ELF5: variants seen among roughly 807,000 people sequenced by gnomAD.
ELF5 encodes ETS-related transcription factor Elf-5.
A neutral mutation model predicts 38.2 loss-of-function variants in ELF5; 31 were observed. The ratio of observed to expected loss-of-function variants is 0.81; its 90% CI spans 0.61 to 1.10. The LOEUF (loss-of-function observed/expected upper bound fraction) is 1.10. Among genes scored for constraint, ELF5 ranks in the 50% least tolerant of loss-of-function variants. The probability of loss-of-function intolerance (pLI) is 0.00; values close to 1 mark genes in which losing one functional copy is unlikely to be tolerated. For missense variants in ELF5, 300 were observed against 306.6 expected, an observed-to-expected ratio of 0.98 and a Z score of 0.16; for synonymous variants, 121 against 112.5, an observed-to-expected ratio of 1.08 and a Z score of -0.48.
Position 34,496,103 on chromosome 11 carries a change from C to T in ELF5, c.122-2391G>A, listed in dbSNP as rs370681016. Among the ~76,000 whole-genome samples, 3 of 152,342 alleles carry T rather than the reference C, an allele frequency of 2.0e-5. No homozygotes were observed. In the East Asian group the frequency reaches 5.8e-4, roughly 29 times the overall value. Reference sequence around the variant, plus strand: ...CACCCCCTTGTTATTTTCTTTGGCACTTGAAGAGGGCCATATTGTTTGCGG... The same window carrying T: ...CACCCCCTTGTTATTTTCTTTGGCATTTGAAGAGGGCCATATTGTTTGCGG... On this transcript the variant is annotated intron_variant, in intron 2 of 6. Coordinates refer to ENST00000257832, the MANE Select transcript of ELF5 (RefSeq NM_001422.4).
intron 2 of ELF5, among the ~76,000 whole-genome samples, chr11:34,502,375 T>C (rs1431813454): frequency 6.6e-6 from 1 of 152,200 alleles, no homozygotes; most frequent in Non-Finnish European, 1.5e-5. Flanking sequence ...GCAGGGAAAG[T>C]TGGCTGAGCA....
chr11:34,481,817 AT>A (rs1323710801), intron 5 of ELF5, among the ~76,000 whole-genome samples: 1 of 152,192 alleles, frequency 6.6e-6, no homozygotes, highest in African/African-American at 2.4e-5. Context: ...TGCTTCATCT[AT>A]AAAATGGGAT....
intron 4 of ELF5, among the ~76,000 whole-genome samples, chr11:34,486,204 AGAGAAGC>A (rs1329410392): frequency 3.3e-5 from 5 of 152,266 alleles, no homozygotes; most frequent in African/African-American, 1.2e-4. Flanking sequence ...AGGCTGGTGC[AGAGAAGC>A]TCTGAGGCTC....
Position 34,501,723 on chromosome 11 carries a change from C to T in ELF5, c.121+3906G>A, listed in dbSNP as rs1850475462. Among the ~76,000 whole-genome samples the T allele has an allele frequency of 2.0e-5, 3 of 152,184 alleles. 1 individual carries two copies. In the South Asian group the frequency reaches 6.2e-4, roughly 32 times the overall value. ...ACTGTCCAACCTCCTGCCTGCAGTGCAGCCAAGCAGAAGTCCTGCTTCAAA... is the reference window on the plus strand; with the variant it reads ...ACTGTCCAACCTCCTGCCTGCAGTGTAGCCAAGCAGAAGTCCTGCTTCAAA... On this transcript the variant is annotated intron_variant, in intron 2 of 6. Transcript: ENST00000257832.
At chr11:34,494,105 G>T (rs115717753) in intron 2 of ELF5, among the ~76,000 whole-genome samples, 1 of 152,166 alleles carries the variant, frequency 6.6e-6, no homozygotes, top group Non-Finnish European at 1.5e-5. Context: ...ACCACTTTCC[G>T]CTTGGCAAGG....
At chr11:34,506,548 T>C (rs1206150373) in intron 1 of ELF5, among the ~76,000 whole-genome samples, 1 of 152,188 alleles carries the variant, frequency 6.6e-6, no homozygotes, top group Non-Finnish European at 1.5e-5. Flanking sequence ...GTAATCCTGC[T>C]CTGTCGCCAG....
chr11:34,510,561 C>T (rs1375098451), intron 1 of ELF5, among the ~76,000 whole-genome samples: 1 of 152,140 alleles, frequency 6.6e-6, no homozygotes, highest in Non-Finnish European at 1.5e-5. Context: ...TCCAGAGCCC[C>T]CTTTCTCAGA....
chr11:34,505,497 C>T, intron 2 of ELF5, 132 bp downstream of exon 2: 1 of 1,383,416 alleles, frequency 7.2e-7, no homozygotes, highest in Admixed American at 2.3e-5. Context: ...TCCAGGAGCC[C>T]TCCAGCCCTC....
chr11:34,511,553 T>G (rs1850757243), intron 1 of ELF5: 2 of 1,613,796 alleles, frequency 1.2e-6, no homozygotes, highest in Admixed American at 3.3e-5. Flanking sequence ...CCTGTGGGAG[T>G]GAGGCAGAGA....
intron 1 of ELF5, 39 bp from the exon 2 acceptor site, chr11:34,505,792 G>A: frequency 6.2e-7 from 1 of 1,603,248 alleles, no homozygotes; most frequent in Non-Finnish European, 8.5e-7. Flanking sequence ...GCTGGGGTGA[G>A]GTACTCCTGA....
At position 34,493,544 on chromosome 11, in the gene ELF5, A is replaced by T; in HGVS notation, c.290T>A (p.Phe97Tyr). 6.2e-7 allele frequency: 1 copy of T among 1,614,204 alleles called. No individual in the cohort carries two copies. The highest frequency in any genetic ancestry group is 8.5e-7 in the Non-Finnish European group (1 of 1,180,042). Residue 97 changes from phenylalanine (F) to tyrosine (Y), a missense_variant, in exon 3 of 7, where the codon TTC becomes TAC. By Grantham distance (22) the Phe-to-Tyr change is conservative. Coordinates refer to ENST00000257832, the MANE Select transcript of ELF5 (RefSeq NM_001422.4). ...LQLCSMTQEEFVEAAGLCGEY... is the reference protein window; with the variant it reads ...LQLCSMTQEEYVEAAGLCGEY... Reference sequence around the variant, plus strand: ...GCCGCAGAGGCCAGCTGCCTCGACGAACTCCTCCTGTGTCATGCTGCACAG... The same window carrying T: ...GCCGCAGAGGCCAGCTGCCTCGACGTACTCCTCCTGTGTCATGCTGCACAG...
intron 2 of ELF5, among the ~76,000 whole-genome samples, chr11:34,503,218 G>T (rs1031613325): frequency 6.6e-6 from 1 of 152,102 alleles, no homozygotes; most frequent in African/African-American, 2.4e-5. Flanking sequence ...GAGTGCAGTG[G>T]CATACTCACA....
At chr11:34,500,617 G>T (rs958930558) in intron 2 of ELF5, among the ~76,000 whole-genome samples, 1 of 152,268 alleles carries the variant, frequency 6.6e-6, no homozygotes, top group Admixed American at 6.5e-5. Context: ...TGGCCACCCA[G>T]AAGGCTCAGG....
chr11:34,501,520 G>A (rs764462594), intron 2 of ELF5, among the ~76,000 whole-genome samples: 1 of 152,078 alleles, frequency 6.6e-6, no homozygotes, highest in Non-Finnish European at 1.5e-5. Context: ...ACTGGAACTC[G>A]ACTGGAGAAA....
intron 2 of ELF5, among the ~76,000 whole-genome samples, chr11:34,494,677 G>A (rs1312457788): frequency 6.6e-6 from 1 of 152,178 alleles, no homozygotes; most frequent in African/African-American, 2.4e-5. Flanking sequence ...GGAAAGTGGG[G>A]TGGACATAAG....
At chr11:34,493,183 A>G (rs1590330425) in intron 3 of ELF5, 1 of 564,924 alleles carries the variant, frequency 1.8e-6, no homozygotes, top group East Asian at 2.8e-5. Context: ...GTTTCAAATC[A>G]TTATGAATAT....
chr11:34,480,413 C>G, intron 6 of ELF5, 99 bp from the exon 7 acceptor site: 2 of 970,654 alleles, frequency 2.1e-6, no homozygotes, highest in East Asian at 2.5e-5. Flanking sequence ...GGTGACAAGG[C>G]TGGTCTTTGG....
rs1383259769 is a variant in ELF5, at chr11:34,505,641, C to G, written c.109G>C (p.Glu37Gln). 1 of 1,613,794 alleles carries G rather than the reference C, an allele frequency of 6.2e-7. No individual in the cohort carries two copies. Among genetic ancestry groups the G allele is most frequent in the Non-Finnish European group, 8.5e-7 (1 of 1,179,876 alleles). ...CAAATGTACGCACCTGTCTGATGCT[C>G]AAAGGCAGGGTAGTACTCTTCATTG... ...FSNEEYYPAFEHQTACDSYWT... is the reference protein window; with the variant it reads ...FSNEEYYPAFQHQTACDSYWT... Residue 37 changes from glutamate to glutamine, a missense_variant, in exon 2 of 7, where the codon GAG becomes CAG. Physicochemically the swap from Glu to Gln is conservative, Grantham distance 29 (BLOSUM62 2). Coordinates refer to ENST00000257832, the MANE Select transcript of ELF5 (RefSeq NM_001422.4).
chr11:34,483,431 G>A (rs1335463511), intron 4 of ELF5, among the ~76,000 whole-genome samples: 1 of 151,930 alleles, frequency 6.6e-6, no homozygotes, highest in Non-Finnish European at 1.5e-5. Flanking sequence ...CGGGCATATA[G>A]TAGGTGCTCA....
Sources: gnomAD v4.1 joint callset for allele counts (sites outside exome capture counted in the v4.1 genomes callset) on GRCh38, gnomAD v4.1.1 for gene constraint, MANE v1.5 for transcripts, NCBI Gene and HGNC (gene_info 2026-07-23, HGNC 2026-07-21) for gene names.